CFAP69: variants seen among roughly 807,000 people sequenced by gnomAD.
The protein encoded by CFAP69 is cilia- and flagella-associated protein 69.
A neutral mutation model predicts 123.0 loss-of-function variants in CFAP69; 92 were observed. That is an observed-to-expected ratio of 0.75 (90% CI 0.63 to 0.89). The LOEUF (loss-of-function observed/expected upper bound fraction) is 0.89, where lower values mean the gene tolerates loss of function less well. Among genes scored for constraint, CFAP69 ranks in the 40% least tolerant of loss-of-function variants. The pLI is 0.00. For missense variants in CFAP69, 1,067 were observed against 1,096.9 expected, an observed-to-expected ratio of 0.97 and a Z score of 0.39; for synonymous variants, 380 against 364.3, an observed-to-expected ratio of 1.04 and a Z score of -0.49.
In CFAP69 at chr7:90,309,257, C is replaced by T; in HGVS notation, c.2551-6C>T. The T allele has an allele frequency of 7.3e-7, 1 of 1,374,452 alleles. No homozygotes were observed. Among genetic ancestry groups the T allele is most frequent in the Non-Finnish European group, 1.0e-6 (1 of 1,003,320 alleles). The allele number at this position is 1,374,452 out of a possible 1,614,324, so 85.1% of individuals were successfully genotyped here. On this transcript the variant is annotated splice_region_variant and splice_polypyrimidine_tract_variant and intron_variant, in intron 21 of 22. Coordinates refer to ENST00000389297, the MANE Select transcript of CFAP69 (RefSeq NM_001039706.3). ...AATATTTTCTTTCTAATTTAAAAAT[C>T]CTCAGAAAGCAAAAAGCCTTCAAGA...
rs1254068590 is a variant in CFAP69 at position 90,282,949 on chromosome 7, T to C, written c.1430T>C (p.Phe477Ser). 1 of 1,594,874 alleles carries C rather than the reference T, an allele frequency of 6.3e-7. No individual in the cohort carries two copies. ...GGTACAGGTGGCCGAGGCAACAAGT[T>C]TGCCCAGATGCGTTACAGTTTAAGA... ...FHGTGGRGNK[F>S]AQMRYSLRLL... Residue 477 changes from phenylalanine to serine, a missense_variant, in exon 13 of 23, where the codon TTT becomes TCT. Coordinates refer to ENST00000389297, the MANE Select transcript of CFAP69 (RefSeq NM_001039706.3).
At chr7:90,291,623 C>T (rs1791211242) in intron 15 of CFAP69, among the ~76,000 whole-genome samples, 1 of 152,088 alleles carries the variant, frequency 6.6e-6, no homozygotes, top group Admixed American at 6.6e-5. Context: ...TAAGAGAAGC[C>T]TTAATCCTTA....
chr7:90,300,760 C>G (rs150356785), intron 17 of CFAP69: 1 of 155,686 alleles, frequency 6.4e-6, no homozygotes, highest in Non-Finnish European at 1.4e-5. Flanking sequence ...AAGCGATTTT[C>G]CTGCCTTAGC....
intron 15 of CFAP69, among the ~76,000 whole-genome samples, chr7:90,293,285 A>T (rs1416210677): frequency 2.0e-5 from 3 of 152,226 alleles, no homozygotes; most frequent in Non-Finnish European, 4.4e-5. Flanking sequence ...AAAACCTTAT[A>T]GACATATCTA....
chr7:90,323,723 G>T, the CFAP69 span, among the ~76,000 whole-genome samples: 1 of 152,250 alleles, frequency 6.6e-6, no homozygotes, highest in African/African-American at 2.4e-5. Flanking sequence ...AGGAAGATGT[G>T]GTTGGATTTT....
chr7:90,315,377 G>C (rs552889904), downstream of CFAP69, among the ~76,000 whole-genome samples: 223 of 152,276 alleles, frequency 1.5e-3, no homozygotes, highest in Non-Finnish European at 2.8e-3. Flanking sequence ...TGACAGACTG[G>C]ATAAAGAAAA....
At chr7:90,311,311 A>T (rs1472685772), downstream of CFAP69, among the ~76,000 whole-genome samples, 3 of 152,144 alleles carry the variant, frequency 2.0e-5, no homozygotes, top group Admixed American at 6.5e-5. Context: ...AGAGACAAGG[A>T]CCTGTTTCTT....
intron 1 of CFAP69, among the ~76,000 whole-genome samples, chr7:90,246,505 G>A (rs1796348738): frequency 6.6e-6 from 1 of 152,250 alleles, no homozygotes; most frequent in South Asian, 2.1e-4. Context: ...CTGGGGAATA[G>A]AGTTGAGCTC....
chr7:90,258,915 T>G (rs1797972314), intron 3 of CFAP69, among the ~76,000 whole-genome samples: 2 of 152,356 alleles, frequency 1.3e-5, no homozygotes, highest in South Asian at 4.1e-4. Flanking sequence ...TCATTATTTC[T>G]ATTAATTTAC....
At chr7:90,277,644 C>T (rs1308976731) in intron 11 of CFAP69, among the ~76,000 whole-genome samples, 1 of 152,124 alleles carries the variant, frequency 6.6e-6, no homozygotes, top group Non-Finnish European at 1.5e-5. Context: ...CCATTCCAGC[C>T]TAATAATCTG....
chr7:90,286,406 A>G lies in CFAP69; in HGVS notation c.1656+7A>G. 6.2e-7 allele frequency: 1 copy of G among 1,609,764 alleles called. No homozygotes were observed. On this transcript the variant is annotated splice_region_variant and intron_variant, in intron 14 of 22. Coordinates refer to ENST00000389297, the MANE Select transcript of CFAP69 (RefSeq NM_001039706.3). ...GAATCACATTCAAAGGAAGGTATGT[A>G]TGCCTGTGAAAGTTTTGTTCAGGTC... is the stretch of plus-strand genomic sequence containing the variant.
the CFAP69 span, chr7:90,319,392 G>A: frequency 2.5e-6 from 1 of 398,404 alleles, no homozygotes; most frequent in Non-Finnish European, 4.4e-6. Context: ...TATATTTGGG[G>A]GGCATCACCT....
At position 90,310,117 on chromosome 7, in the gene CFAP69, TAGG is replaced by T; in HGVS notation, c.2710_2712del (p.Gly904del). ...GTGGAAAGCACTCCTGCCCGATTAG[TAGG>T]AGGACCTCTGGTTGATACGGATATT... On this transcript the variant is annotated inframe_deletion, in exon 23 of 23. Coordinates refer to ENST00000389297, the MANE Select transcript of CFAP69 (RefSeq NM_001039706.3). The T allele has an allele frequency of 6.2e-7, 1 of 1,613,926 alleles. No individual in the cohort carries two copies. The highest frequency in any genetic ancestry group is 1.1e-5 in the South Asian group (1 of 91,074).
chr7:90,297,689 T>C (rs529804774), intron 15 of CFAP69, 60 bp from the exon 16 acceptor site: 1 of 1,018,978 alleles, frequency 9.8e-7, no homozygotes, highest in East Asian at 2.7e-5. Flanking sequence ...AAGATAAAGC[T>C]GTACAAATTC....
At chr7:90,294,539 G>A (rs1308400263) in intron 15 of CFAP69, among the ~76,000 whole-genome samples, 3 of 151,940 alleles carry the variant, frequency 2.0e-5, no homozygotes, top group Admixed American at 1.3e-4. Flanking sequence ...ACCCTGGACC[G>A]GGGCCGCCAT....
chr7:90,256,522 A>T (rs558411440), intron 2 of CFAP69, among the ~76,000 whole-genome samples: 85 of 150,776 alleles, frequency 5.6e-4, no homozygotes, highest in African/African-American at 2.0e-3. Flanking sequence ...AACTTAAAGT[A>T]TAAAAAAAAA....
At chr7:90,318,058 G>A in the CFAP69 span, 1 of 152,112 alleles carries the variant, frequency 6.6e-6, no homozygotes, top group African/African-American at 2.4e-5. Flanking sequence ...TAGGAGAAGT[G>A]GGAAACAGAC....
At chr7:90,286,138 T>C in intron 13 of CFAP69, 143 bp from the exon 14 acceptor site, 1 of 645,662 alleles carries the variant, frequency 1.5e-6, no homozygotes, top group Non-Finnish European at 2.4e-6. Context: ...CCTGTCTCTT[T>C]ATAACAAATA....
chr7:90,305,953 T>A (rs1793524132), intron 19 of CFAP69, among the ~76,000 whole-genome samples: 1 of 149,136 alleles, frequency 6.7e-6, no homozygotes. Flanking sequence ...CTTTTTTTTT[T>A]TTTTTTTGAG....
Sources: gnomAD v4.1 joint callset for allele counts (sites outside exome capture counted in the v4.1 genomes callset) on GRCh38, gnomAD v4.1.1 for gene constraint, MANE v1.5 for transcripts, NCBI Gene and HGNC (gene_info 2026-07-23, HGNC 2026-07-21) for gene names.